Variants in LPGAT1 observed in about 807,000 individuals in gnomAD.
LPGAT1 encodes lysophosphatidylglycerol acyltransferase 1, also known as acyl-CoA:lysophosphatidylglycerol acyltransferase 1.
A neutral mutation model predicts 47.5 loss-of-function variants in LPGAT1; 11 were observed. That is an observed-to-expected ratio of 0.23 (90% confidence interval 0.15 to 0.38). LPGAT1 has a LOEUF of 0.38. Ranked by LOEUF, LPGAT1 falls within the 10% of genes least tolerant of loss-of-function variation. LPGAT1 has a pLI of 1.00. For missense variants in LPGAT1, 293 were observed against 439.0 expected (o/e 0.67, Z 2.97); for synonymous variants, 138 against 144.2 (o/e 0.96, Z 0.31).
chr1:211,776,128 C>T (rs1003803105), intron 6 of LPGAT1, among the ~76,000 whole-genome samples: 5 of 151,874 alleles, frequency 3.3e-5, no homozygotes, highest in African/African-American at 4.8e-5. Context: ...TTACCAACTA[C>T]ATTATTTCTT....
At chr1:211,765,795 A>G (rs1040943478) in intron 6 of LPGAT1, among the ~76,000 whole-genome samples, 1 of 152,154 alleles carries the variant, frequency 6.6e-6, no homozygotes, top group East Asian at 1.9e-4. Flanking sequence ...TTAATTTTTC[A>G]TATCTGGGCT....
At chr1:211,755,517 A>G (rs1206246345) in intron 6 of LPGAT1, among the ~76,000 whole-genome samples, 1 of 151,732 alleles carries the variant, frequency 6.6e-6, no homozygotes, top group East Asian at 1.9e-4. Flanking sequence ...TTGGGGGAGT[A>G]TTTTAAAACC....
Position 211,749,814 on chromosome 1 carries a change from TTC to T in LPGAT1, c.*83_*84del. 1 of 1,357,106 alleles carries T rather than the reference TTC, an allele frequency of 7.4e-7. No individual in the cohort carries two copies. The highest frequency in any genetic ancestry group is 1.0e-6 in the Non-Finnish European group (1 of 971,892). 84.1% of individuals were successfully genotyped at this position (1,357,106 alleles called of 1,614,324 possible). ...TTTCTTTTGCTTTTTTTTAAATATA[TTC>T]TGATTTGCACATGTAAAATAATGCA... On this transcript the variant is annotated 3_prime_UTR_variant, in exon 8 of 8. Coordinates refer to ENST00000366997, the MANE Select transcript of LPGAT1 (RefSeq NM_014873.3).
At chr1:211,754,856 A>T (rs1178111382) in intron 6 of LPGAT1, among the ~76,000 whole-genome samples, 1 of 151,946 alleles carries the variant, frequency 6.6e-6, no homozygotes, top group Non-Finnish European at 1.5e-5. Flanking sequence ...TCTACTAAAA[A>T]TAAAAAAAAT....
chr1:211,792,529 T>C (rs1194275879), intron 3 of LPGAT1: 1 of 151,888 alleles, frequency 6.6e-6, no homozygotes, highest in Non-Finnish European at 1.5e-5. Flanking sequence ...AAAACAGTCT[T>C]ATTGAAATAT....
At chr1:211,825,805 CA>C (rs35957204) in intron 2 of LPGAT1, among the ~76,000 whole-genome samples, 2 of 152,042 alleles carry the variant, frequency 1.3e-5, no homozygotes, top group African/African-American at 2.4e-5. Context: ...ACTAAAAATA[CA>C]AAAATTAGCT....
chr1:211,754,976 T>G (rs1186687122), intron 6 of LPGAT1, among the ~76,000 whole-genome samples: 3 of 145,086 alleles, frequency 2.1e-5, no homozygotes, highest in Admixed American at 7.2e-5. Flanking sequence ...ATGGCGCCAC[T>G]GCACTCCAGC....
chr1:211,789,069 G>A (rs1659004752), intron 3 of LPGAT1, among the ~76,000 whole-genome samples: 1 of 152,136 alleles, frequency 6.6e-6, no homozygotes, highest in African/African-American at 2.4e-5. Context: ...TATATGCCTA[G>A]TAAAGAAAGA....
At position 211,744,730 on chromosome 1, in the gene LPGAT1, T is replaced by C. The variant is rs539756759; in HGVS notation, c.*5169A>G. ...TAACAAACATGTATAGTTGAATACA[T>C]AATTTTCTCCCAGAAGAGTGAACTG... On this transcript the variant is annotated 3_prime_UTR_variant, in exon 8 of 8. Coordinates refer to ENST00000366997, the MANE Select transcript of LPGAT1 (RefSeq NM_014873.3). 3 of 152,368 alleles carry C rather than the reference T, an allele frequency of 2.0e-5. No individual in the cohort carries two copies. In the East Asian group the frequency reaches 5.8e-4, roughly 29 times the overall value. 9.4% of individuals were successfully genotyped at this position (152,368 alleles called of 1,614,324 possible).
At chr1:211,788,319 A>T (rs1658968149) in intron 3 of LPGAT1, among the ~76,000 whole-genome samples, 1 of 152,192 alleles carries the variant, frequency 6.6e-6, no homozygotes, top group South Asian at 2.1e-4. Context: ...ACAGAAAAAT[A>T]TTATCCACTG....
rs376751472 is a variant in LPGAT1, at chr1:211,779,907, G to A, written c.728-863C>T. On this transcript the variant is annotated intron_variant, in intron 5 of 7. Coordinates refer to ENST00000366997, the MANE Select transcript of LPGAT1 (RefSeq NM_014873.3). ...AAACATAAAAAATTGGCTGGGTGCA[G>A]TGGCTCACGCCTGTAATCCCAGCAC... 9.9e-5 allele frequency among the ~76,000 whole-genome samples: 15 copies of A among 151,096 alleles called. No individual in the cohort carries two copies. In the East Asian group the frequency reaches 2.2e-3, roughly 22 times the overall value.
chr1:211,769,568 G>C (rs1658078681), intron 6 of LPGAT1, among the ~76,000 whole-genome samples: 1 of 152,156 alleles, frequency 6.6e-6, no homozygotes, highest in African/African-American at 2.4e-5. Flanking sequence ...AGGAATAAAA[G>C]AATGGCTACT....
In LPGAT1 at chr1:211,748,371, A is replaced by G. The variant is rs781522742; in HGVS notation, c.*1528T>C. On this transcript the variant is annotated 3_prime_UTR_variant, in exon 8 of 8. Coordinates refer to ENST00000366997, the MANE Select transcript of LPGAT1 (RefSeq NM_014873.3). ...TAAAAAATGTTTTCTAGAAATAGAA[A>G]CTTGACTTTACCCTCTTCAAAAGCA... The G allele has an allele frequency of 6.6e-6, 1 of 152,220 alleles. No individual in the cohort carries two copies. The highest frequency in any genetic ancestry group is 1.5e-5 in the Non-Finnish European group (1 of 68,036). The allele number at this position is 152,220 out of a possible 1,614,324, so 9.4% of individuals were successfully genotyped here. A position where few individuals can be genotyped will look rare whatever the true frequency, so the allele number is the denominator to read the frequency against.
At chr1:211,775,566 T>A (rs1473364138) in intron 6 of LPGAT1, among the ~76,000 whole-genome samples, 1 of 152,174 alleles carries the variant, frequency 6.6e-6, no homozygotes, top group Non-Finnish European at 1.5e-5. Context: ...AGAAACTTAT[T>A]ATAGATTTAA....
chr1:211,791,762 AAAAC>A (rs1558270773), intron 3 of LPGAT1, among the ~76,000 whole-genome samples: 6 of 102,078 alleles, frequency 5.9e-5, no homozygotes, highest in Non-Finnish European at 8.8e-5. Flanking sequence ...AAAAAAAAAA[AAAAC>A]AAACAAACAA....
chr1:211,801,878 G>A (rs1035913511), intron 2 of LPGAT1, among the ~76,000 whole-genome samples: 1 of 151,902 alleles, frequency 6.6e-6, no homozygotes, highest in African/African-American at 2.4e-5. Context: ...TCAGGAGTTC[G>A]AGATCAGTCT....
In LPGAT1 at chr1:211,829,059, C is replaced by G; in HGVS notation, c.238G>C (p.Val80Leu). ...ASWGWYAGYT[V>L]MEWGEDIKAV... ...TAAAGAAAAGTGTTCTCACTCTTAC[C>G]TGTATATCCAGCATACCATCCCCAG... Residue 80 changes from valine to leucine, a missense_variant and splice_region_variant, in exon 2 of 8, where the codon GTG (valine) becomes CTG (leucine). Transcript: ENST00000366997. The G allele has an allele frequency of 1.2e-6, 2 of 1,613,948 alleles. No individual in the cohort carries two copies. The highest frequency in any genetic ancestry group is 1.7e-6 in the Non-Finnish European group (2 of 1,179,948).
rs774847358 is a variant in LPGAT1, at chr1:211,787,746, A to G, written c.358-19T>C. 1.3e-6 allele frequency: 2 copies of G among 1,484,262 alleles called. No individual in the cohort carries two copies. Among genetic ancestry groups the G allele is most frequent in the South Asian group, 1.2e-5 (1 of 85,004 alleles). The allele number at this position is 1,484,262 out of a possible 1,614,324, so 91.9% of individuals were successfully genotyped here. On this transcript the variant is annotated intron_variant, in intron 3 of 7. Coordinates refer to ENST00000366997, the MANE Select transcript of LPGAT1 (RefSeq NM_014873.3). ...CAACAACCTAAAATATTTAAAAGCA[A>G]GAAATAATATTGGATAGAAGAAACC...
intron 6 of LPGAT1, among the ~76,000 whole-genome samples, chr1:211,774,152 T>TTTTTTTTTTTTTTTTA (rs1658293010): frequency 6.9e-6 from 1 of 145,390 alleles, no homozygotes; most frequent in Non-Finnish European, 1.5e-5. Context: ...TTTTTTTTTT[T>TTTTTTTTTTTTTTTTA]GAGACAGAGT....
Sources: allele counts gnomAD v4.1 joint callset (sites outside exome capture counted in the v4.1 genomes callset), GRCh38; gene constraint gnomAD v4.1.1; transcripts MANE v1.5; gene names NCBI Gene and HGNC (gene_info 2026-07-23, HGNC 2026-07-21).